The following DGAT2 variants were observed in gnomAD, a reference collection of about 807,000 sequenced individuals.
The protein encoded by DGAT2 is diacylglycerol O-acyltransferase 2, also known as acyl-CoA retinol O-fatty-acyltransferase.
A neutral mutation model predicts 48.4 loss-of-function variants in DGAT2; 33 were observed. The ratio of observed to expected loss-of-function variants is 0.68; its 90% confidence interval spans 0.52 to 0.91. The LOEUF (loss-of-function observed/expected upper bound fraction) is 0.91. Among genes scored for constraint, DGAT2 ranks in the 40% least tolerant of loss-of-function variants. The pLI, the probability that DGAT2 is intolerant of heterozygous loss-of-function variation, is 0.00. For synonymous variants in DGAT2, 191 were observed against 194.1 expected (o/e 0.98, Z 0.13); for missense variants, 446 against 493.7 (o/e 0.90, Z 0.92).
chr11:75,793,470 G>A (rs1035350677), intron 4 of DGAT2: 3 of 152,236 alleles, frequency 2.0e-5, no homozygotes, highest in Admixed American at 6.5e-5. Flanking sequence ...AGCAGCCCAG[G>A]GAAAAGTGCA....
Position 75,768,781 on chromosome 11 carries a change from G to T in DGAT2, c.-211G>T, listed in dbSNP as rs1228200295. 1.0e-5 allele frequency: 5 copies of T among 493,792 alleles called. No individual in the cohort carries two copies. In the Admixed American group the frequency reaches 1.8e-4, roughly 18 times the overall value. 30.6% of individuals were successfully genotyped at this position (493,792 alleles called of 1,614,324 possible). On this transcript the variant is annotated 5_prime_UTR_variant, in exon 1 of 8. Transcript: ENST00000228027. ...TGTTGCGCTCCGGGACGCCAGCGCC[G>T]CGGCTGCCGCCTCTGCTGGGGTCTA...
chr11:75,777,734 C>T (rs949827395), intron 1 of DGAT2, among the ~76,000 whole-genome samples: 8 of 152,112 alleles, frequency 5.3e-5, no homozygotes, highest in Admixed American at 6.5e-5. Context: ...GTGGAGGACG[C>T]GGTGTGGGCT....
intron 2 of DGAT2, among the ~76,000 whole-genome samples, chr11:75,786,347 C>T (rs1173752364): frequency 6.6e-6 from 1 of 152,170 alleles, no homozygotes; most frequent in Non-Finnish European, 1.5e-5. Context: ...GAAGAAAGTA[C>T]TGGGACCAGG....
chr11:75,780,877 T>A (rs1030313549), intron 1 of DGAT2, among the ~76,000 whole-genome samples: 1 of 152,230 alleles, frequency 6.6e-6, no homozygotes, highest in Non-Finnish European at 1.5e-5. Context: ...CCCAAAGCTT[T>A]ATGGGCCTCT....
At chr11:75,771,092 A>G (rs971734525) in intron 1 of DGAT2, among the ~76,000 whole-genome samples, 5 of 152,166 alleles carry the variant, frequency 3.3e-5, no homozygotes, top group Admixed American at 2.6e-4. Flanking sequence ...AGTAGAGACC[A>G]TGGATTCTGT....
At chr11:75,775,621 A>T (rs993646253) in intron 1 of DGAT2, among the ~76,000 whole-genome samples, 1 of 152,100 alleles carries the variant, frequency 6.6e-6, no homozygotes, top group Non-Finnish European at 1.5e-5. Flanking sequence ...GGACTCCTAG[A>T]CCTAGCATCC....
At chr11:75,789,533 G>T (rs1944960858) in intron 2 of DGAT2, among the ~76,000 whole-genome samples, 1 of 152,154 alleles carries the variant, frequency 6.6e-6, no homozygotes, top group African/African-American at 2.4e-5. Context: ...TTGGAAGGGA[G>T]CCAGCCCTCC....
In DGAT2 at chr11:75,768,877, C is replaced by G. The variant is rs1944726648; in HGVS notation, c.-115C>G. On this transcript the variant is annotated 5_prime_UTR_variant, in exon 1 of 8. Transcript: ENST00000228027. ...GTGTCCTAGCCGCCCAGCCTCGACG[C>G]CGTCCCGGGACCCCTGTGCTCTGCG... 3.1e-6 allele frequency: 4 copies of G among 1,276,056 alleles called. No individual in the cohort carries two copies. Among genetic ancestry groups the G allele is most frequent in the Non-Finnish European group, 4.0e-6 (4 of 1,000,346 alleles). The allele number at this position is 1,276,056 out of a possible 1,614,324, so 79.0% of individuals were successfully genotyped here.
chr11:75,776,797 T>G (rs1944806912), intron 1 of DGAT2: 3 of 152,216 alleles, frequency 2.0e-5, no homozygotes, highest in Non-Finnish European at 4.4e-5. Flanking sequence ...CTGAAAGGTG[T>G]CTGCCTGGAG....
intron 6 of DGAT2, 84 bp downstream of exon 6, chr11:75,797,416 C>A (rs993486959): frequency 2.5e-5 from 33 of 1,320,800 alleles, no homozygotes; most frequent in Middle Eastern, 5.7e-4. Flanking sequence ...GAAGACAGGA[C>A]CCAGACCCCA....
intron 1 of DGAT2, among the ~76,000 whole-genome samples, chr11:75,779,103 A>G (rs2135762398): frequency 6.6e-6 from 1 of 152,212 alleles, no homozygotes. Flanking sequence ...GGTCACTTTG[A>G]TATCAGATAT....
chr11:75,773,701 T>G (rs1007112241), intron 1 of DGAT2: 11 of 152,250 alleles, frequency 7.2e-5, no homozygotes, highest in African/African-American at 2.7e-4. Context: ...TTTTATTGAT[T>G]GAGCACCTTC....
rs771800616 is a variant in DGAT2, at chr11:75,790,762, G to A, written c.429+31G>A. On this transcript the variant is annotated intron_variant, in intron 4 of 7. Coordinates refer to ENST00000228027, the MANE Select transcript of DGAT2 (RefSeq NM_032564.5). ...GTGCTGTGAGTGTTGTTTTGGGAGG[G>A]TGGGAATGGATGGGAAATCTGAACT... is the stretch of plus-strand genomic sequence containing the variant. The A allele has an allele frequency of 6.8e-6, 11 of 1,611,492 alleles. No homozygotes were observed. In the East Asian group the frequency reaches 1.1e-4, roughly 16 times the overall value.
chr11:75,784,538 G>A (rs1374848657), intron 1 of DGAT2, 80 bp from the exon 2 acceptor site: 14 of 1,572,132 alleles, frequency 8.9e-6, no homozygotes, highest in Non-Finnish European at 1.2e-5. Flanking sequence ...AAGGGTACCT[G>A]TGGGAGGTGA....
At chr11:75,799,540 G>A (rs79381939) in intron 7 of DGAT2, among the ~76,000 whole-genome samples, 2,195 of 152,082 alleles carry the variant, frequency 0.014, 52 homozygotes, top group African/African-American at 0.05. Context: ...AGCAGGATAA[G>A]AAAATAAAGC....
intron 4 of DGAT2, chr11:75,795,220 T>G (rs1392616973): frequency 1.3e-5 from 2 of 152,106 alleles, no homozygotes; most frequent in Non-Finnish European, 2.9e-5. Flanking sequence ...GATAAGCGTT[T>G]CACCATGTTG....
intron 1 of DGAT2, among the ~76,000 whole-genome samples, chr11:75,781,795 G>A (rs568495343): frequency 6.6e-6 from 1 of 152,280 alleles, no homozygotes; most frequent in South Asian, 2.1e-4. Flanking sequence ...GGAGACTCCC[G>A]CAGGCCCTCA....
chr11:75,784,061 T>G (rs1944895568), intron 1 of DGAT2, among the ~76,000 whole-genome samples: 1 of 151,788 alleles, frequency 6.6e-6, no homozygotes, highest in African/African-American at 2.4e-5. Flanking sequence ...ATCAGTGGTG[T>G]TGGGGGTGGG....
intron 1 of DGAT2, among the ~76,000 whole-genome samples, chr11:75,772,824 A>G (rs1365075585): frequency 1.3e-5 from 2 of 152,046 alleles, no homozygotes; most frequent in Non-Finnish European, 2.9e-5. Flanking sequence ...CCCTGTCTCT[A>G]CTAAAAATAA....
Sources: allele counts gnomAD v4.1 joint callset (sites outside exome capture counted in the v4.1 genomes callset), GRCh38; gene constraint gnomAD v4.1.1; transcripts MANE v1.5; gene names NCBI Gene and HGNC (gene_info 2026-07-23, HGNC 2026-07-21).